Variants in DGKB observed in about 807,000 individuals in gnomAD.
DGKB encodes the protein 90 kDa diacylglycerol kinase.
In DGKB, 67 loss-of-function variants were observed where a neutral mutation model predicts 114.3. The observed-to-expected ratio is 0.59, with a 90% CI of 0.48 to 0.72. The LOEUF is 0.72. DGKB is among the 30% of genes least tolerant of loss of function. The pLI is 0.00. For missense variants in DGKB, 907 were observed against 975.2 expected, an observed-to-expected ratio of 0.93 and a Z score of 0.93; for synonymous variants, 398 against 323.1, an observed-to-expected ratio of 1.23 and a Z score of -2.49.
At chr7:14,176,479 T>G (rs17167943) in intron 25 of DGKB, 9 of 998,814 alleles carry the variant, frequency 9.0e-6, no homozygotes, top group Non-Finnish European at 1.1e-5. Context: ...CTGCATTTCT[T>G]GCAAATAATA....
chr7:14,906,925 T>C (rs1783742000), upstream of DGKB, among the ~76,000 whole-genome samples: 1 of 152,220 alleles, frequency 6.6e-6, no homozygotes. Flanking sequence ...TACAATCCCA[T>C]AAATAAAGGT....
At chr7:14,453,536 A>G (rs1831836029) in intron 21 of DGKB, among the ~76,000 whole-genome samples, 1 of 152,086 alleles carries the variant, frequency 6.6e-6, no homozygotes, top group Non-Finnish European at 1.5e-5. Flanking sequence ...TAAGTTCCCC[A>G]TTCACTGCAT....
chr7:14,188,244 C>T (rs925138352), intron 23 of DGKB, among the ~76,000 whole-genome samples: 22 of 152,080 alleles, frequency 1.4e-4, no homozygotes, highest in Admixed American at 6.5e-5. Context: ...TAAATTTTCT[C>T]ATAATAGGAG....
intron 25 of DGKB, among the ~76,000 whole-genome samples, chr7:14,151,115 G>A (rs1170853247): frequency 6.6e-6 from 1 of 152,046 alleles, no homozygotes; most frequent in Admixed American, 6.6e-5. Flanking sequence ...TACTGGGAAA[G>A]CAGTTATCAC....
chr7:14,733,178 T>C (rs1481280174), intron 5 of DGKB, among the ~76,000 whole-genome samples: 1 of 152,178 alleles, frequency 6.6e-6, no homozygotes, highest in Admixed American at 6.5e-5. Flanking sequence ...CTGAAACTCA[T>C]TCCGAGAAAA....
At chr7:14,219,806 G>T (rs1789624313) in intron 23 of DGKB, among the ~76,000 whole-genome samples, 1 of 151,398 alleles carries the variant, frequency 6.6e-6, no homozygotes, top group Non-Finnish European at 1.5e-5. Flanking sequence ...TTTTTCTTTT[G>T]TTGTTCATGC....
intron 20 of DGKB, among the ~76,000 whole-genome samples, chr7:14,484,206 G>A (rs888960299): frequency 4.6e-5 from 7 of 152,064 alleles, no homozygotes; most frequent in Admixed American, 6.6e-5. Flanking sequence ...GCATAGCAAA[G>A]CCTATATATA....
In DGKB at chr7:14,164,001, C is replaced by CA. The variant is rs931203285; in HGVS notation, c.2304+12837dup. Among the ~76,000 whole-genome samples the CA allele has an allele frequency of 7.5e-4, 108 of 144,712 alleles. No individual in the cohort carries two copies. In the Middle Eastern group the frequency reaches 0.017, roughly 23 times the overall value. 94.9% of individuals were successfully genotyped at this position (144,712 alleles called of 152,430 possible). ...CAGCAGAGAAACTCCATCTCAAAAA[C>CA]AAAAAACAAACAAAAAAAAAAACAA... On this transcript the variant is annotated intron_variant, in intron 25 of 25. Coordinates refer to ENST00000402815, the MANE Select transcript of DGKB (RefSeq NM_001350709.2).
At chr7:14,605,853 A>C (rs1804408433) in intron 17 of DGKB, among the ~76,000 whole-genome samples, 1 of 152,136 alleles carries the variant, frequency 6.6e-6, no homozygotes, top group Non-Finnish European at 1.5e-5. Context: ...CAGTAAGTAC[A>C]TTGTTATTTG....
At chr7:14,644,101 T>C (rs1812419104) in intron 13 of DGKB, among the ~76,000 whole-genome samples, 1 of 147,194 alleles carries the variant, frequency 6.8e-6, no homozygotes, top group Non-Finnish European at 1.5e-5. Context: ...CATATGCTAC[T>C]GATTTGATTA....
chr7:14,334,471 GAGA>G (rs946108927), intron 23 of DGKB, among the ~76,000 whole-genome samples: 14 of 151,754 alleles, frequency 9.2e-5, no homozygotes, highest in African/African-American at 3.4e-4. Flanking sequence ...AGAGGAGGAA[GAGA>G]AGGAGGAGAA....
intron 20 of DGKB, among the ~76,000 whole-genome samples, chr7:14,567,257 T>C (rs1412941803): frequency 2.0e-5 from 1 of 50,208 alleles, no homozygotes; most frequent in Non-Finnish European, 3.3e-5. Context: ...ATTATATATT[T>C]ATATATTATA....
At chr7:14,811,889 T>G (rs564721598) in intron 2 of DGKB, among the ~76,000 whole-genome samples, 68 of 124,482 alleles carry the variant, frequency 5.5e-4, no homozygotes, top group African/African-American at 2.4e-3. Context: ...CTATGTATCT[T>G]TAGAACTTTT....
chr7:14,154,436 C>T (rs1782678223), intron 25 of DGKB, among the ~76,000 whole-genome samples: 1 of 151,814 alleles, frequency 6.6e-6, no homozygotes, highest in African/African-American at 2.4e-5. Context: ...GGACTTTGAG[C>T]AAGTTACTAC....
intron 21 of DGKB, among the ~76,000 whole-genome samples, chr7:14,418,392 T>TATGTGTGTATATATATACACAC (rs1554421158): frequency 2.2e-5 from 3 of 137,076 alleles, no homozygotes; most frequent in Admixed American, 1.5e-4. Flanking sequence ...TATATATATA[T>TATGTGTGTATATATATACACAC]ACACACACAC....
chr7:14,547,577 G>A (rs1299865476), intron 20 of DGKB, among the ~76,000 whole-genome samples: 1 of 152,068 alleles, frequency 6.6e-6, no homozygotes, highest in East Asian at 1.9e-4. Flanking sequence ...TACCTAAGGA[G>A]CTGTTCTGAC....
chr7:14,699,820 C>A (rs1336315645), intron 7 of DGKB, among the ~76,000 whole-genome samples: 1 of 151,750 alleles, frequency 6.6e-6, no homozygotes, highest in Non-Finnish European at 1.5e-5. Flanking sequence ...TATTTATCCC[C>A]AACTCATTGT....
intron 23 of DGKB, among the ~76,000 whole-genome samples, chr7:14,295,566 AT>A (rs567677648): frequency 6.3e-4 from 93 of 147,146 alleles, no homozygotes; most frequent in African/African-American, 1.4e-3. Context: ...AGACTCACCT[AT>A]TTTTTTTTTA....
At chr7:14,657,901 C>G (rs1816186350) in intron 13 of DGKB, among the ~76,000 whole-genome samples, 3 of 151,908 alleles carry the variant, frequency 2.0e-5, no homozygotes, top group South Asian at 4.1e-4. Flanking sequence ...CAGAAAGTTT[C>G]CATACTACTG....
Sources: gnomAD v4.1 joint callset for allele counts (sites outside exome capture counted in the v4.1 genomes callset) on GRCh38, gnomAD v4.1.1 for gene constraint, MANE v1.5 for transcripts, NCBI Gene and HGNC (gene_info 2026-07-23, HGNC 2026-07-21) for gene names.